The following PPM1L variants were observed in gnomAD, a reference collection of about 807,000 sequenced individuals.
The protein encoded by PPM1L is protein phosphatase 1L.
In PPM1L, 13 loss-of-function variants were observed where a neutral mutation model predicts 31.4. The observed-to-expected ratio is 0.41, with a 90% confidence interval of 0.27 to 0.66. The LOEUF is 0.66. Among genes scored for constraint, PPM1L ranks in the 30% least tolerant of loss-of-function variants. PPM1L has a pLI of 0.29. For synonymous variants in PPM1L, 184 were observed against 175.4 expected (o/e 1.05, Z -0.39); for missense variants, 326 against 453.7 (o/e 0.72, Z 2.56).
intron 1 of PPM1L, among the ~76,000 whole-genome samples, chr3:160,949,573 T>C (rs1031685968): frequency 1.2e-4 from 18 of 152,154 alleles, no homozygotes; most frequent in Non-Finnish European, 5.9e-5. Flanking sequence ...TCTTTCTTTG[T>C]GGTCATGTAG....
At chr3:161,022,719 A>AGT (rs1718270822) in intron 2 of PPM1L, among the ~76,000 whole-genome samples, 1 of 131,740 alleles carries the variant, frequency 7.6e-6, no homozygotes, top group Admixed American at 9.2e-5. Context: ...GCTGGAGTGC[A>AGT]GTGGCACAAT....
intron 1 of PPM1L, among the ~76,000 whole-genome samples, chr3:160,849,393 C>CTCTTTCTTTCTTTCTTTCTTTCTTTCTT (rs540054052): frequency 1.1e-4 from 17 of 151,234 alleles, no homozygotes; most frequent in African/African-American, 3.9e-4. Flanking sequence ...GACCTGCATT[C>CTCTTTCTTTCTTTCTTTCTTTCTTTCTT]TCTTTCTTTC....
At chr3:160,893,481 G>C (rs1375829145) in intron 1 of PPM1L, among the ~76,000 whole-genome samples, 2 of 152,200 alleles carry the variant, frequency 1.3e-5, no homozygotes, top group South Asian at 2.1e-4. Flanking sequence ...TCATTTTCCT[G>C]ATTTCACAAC....
At chr3:160,976,612 T>A (rs925421935) in intron 2 of PPM1L, among the ~76,000 whole-genome samples, 6 of 152,084 alleles carry the variant, frequency 3.9e-5, no homozygotes, top group Non-Finnish European at 7.4e-5. Flanking sequence ...GGAGAGTGTA[T>A]GTGTCAAGGA....
intron 1 of PPM1L, among the ~76,000 whole-genome samples, chr3:160,922,106 C>A (rs13320968): frequency 0.029 from 4,372 of 152,144 alleles, 204 homozygotes; most frequent in African/African-American, 0.1. Context: ...GTCAGGAGAT[C>A]AAGACCATCC....
intron 1 of PPM1L, among the ~76,000 whole-genome samples, chr3:160,828,061 C>T (rs1355196119): frequency 6.6e-6 from 1 of 151,948 alleles, no homozygotes. Context: ...GAGGGATCCA[C>T]CCTCATGACG....
chr3:160,875,215 A>G (rs1351697032), intron 1 of PPM1L, among the ~76,000 whole-genome samples: 5 of 152,238 alleles, frequency 3.3e-5, no homozygotes, highest in Admixed American at 2.0e-4. Flanking sequence ...GATTATTGAT[A>G]TGGAATGTAC....
intron 2 of PPM1L, among the ~76,000 whole-genome samples, chr3:161,039,151 T>G (rs1000343154): frequency 6.6e-6 from 1 of 152,204 alleles, no homozygotes; most frequent in Admixed American, 6.5e-5. Flanking sequence ...TTGGGGCTGC[T>G]CCGTCTATGG....
intron 2 of PPM1L, among the ~76,000 whole-genome samples, chr3:161,048,985 C>G (rs946534358): frequency 2.0e-5 from 3 of 150,388 alleles, no homozygotes; most frequent in Middle Eastern, 3.2e-3. Flanking sequence ...ATGTAAATGA[C>G]GAGTTAATGG....
chr3:161,028,829 G>A (rs1718479302), intron 2 of PPM1L, among the ~76,000 whole-genome samples: 1 of 152,148 alleles, frequency 6.6e-6, no homozygotes, highest in Non-Finnish European at 1.5e-5. Context: ...CAGTGTACGT[G>A]CCCTCTAAAA....
At chr3:160,959,559 G>C (rs919109465) in intron 1 of PPM1L, among the ~76,000 whole-genome samples, 2 of 152,200 alleles carry the variant, frequency 1.3e-5, no homozygotes, top group Admixed American at 1.3e-4. Flanking sequence ...TCTGTGCGTG[G>C]TTGCTCACGC....
At chr3:160,827,043 G>A (rs980774998) in intron 1 of PPM1L, among the ~76,000 whole-genome samples, 4 of 152,184 alleles carry the variant, frequency 2.6e-5, no homozygotes, top group African/African-American at 9.7e-5. Context: ...GCGACAAAAT[G>A]TGGTTCCAAT....
chr3:160,826,498 A>G (rs895602436), intron 1 of PPM1L, among the ~76,000 whole-genome samples: 8 of 152,328 alleles, frequency 5.3e-5, no homozygotes, highest in African/African-American at 1.9e-4. Flanking sequence ...AGATATATTA[A>G]TAGCAACAAA....
chr3:160,764,778 C>T (rs1715063924), intron 1 of PPM1L, among the ~76,000 whole-genome samples: 2 of 152,084 alleles, frequency 1.3e-5, no homozygotes, highest in Admixed American at 1.3e-4. Context: ...TATTTTAATT[C>T]TTTATATTTA....
At chr3:160,966,471 ACTTC>A (rs1048467029) in intron 2 of PPM1L, among the ~76,000 whole-genome samples, 3 of 152,138 alleles carry the variant, frequency 2.0e-5, no homozygotes, top group African/African-American at 7.2e-5. Context: ...TTACATAAGC[ACTTC>A]CTTATTTCAT....
chr3:160,827,060 C>T (rs1235896123), intron 1 of PPM1L, among the ~76,000 whole-genome samples: 1 of 152,118 alleles, frequency 6.6e-6, no homozygotes, highest in Non-Finnish European at 1.5e-5. Flanking sequence ...CAATACTGGC[C>T]TACTTAACAC....
intron 1 of PPM1L, among the ~76,000 whole-genome samples, chr3:160,821,860 A>T (rs1713211553): frequency 6.6e-6 from 1 of 151,948 alleles, no homozygotes; most frequent in Non-Finnish European, 1.5e-5. Flanking sequence ...TTTTAAAAAA[A>T]ATTAGTAATG....
chr3:160,854,537 A>G (rs1337115250), intron 1 of PPM1L, among the ~76,000 whole-genome samples: 1 of 152,086 alleles, frequency 6.6e-6, no homozygotes, highest in African/African-American at 2.4e-5. Context: ...TAGCATTTCT[A>G]TATACCAACA....
At chr3:160,954,942 TCCTTCCTTCCTTCCTTC>T in intron 1 of PPM1L, among the ~76,000 whole-genome samples, 1 of 51,350 alleles carries the variant, frequency 1.9e-5, no homozygotes, top group Non-Finnish European at 4.4e-5. Context: ...CTTCCTTCCT[TCCTTCCTTCCTTCCTTC>T]CTTTCCTTTC....
Sources: allele counts gnomAD v4.1 joint callset (sites outside exome capture counted in the v4.1 genomes callset), GRCh38; gene constraint gnomAD v4.1.1; transcripts MANE v1.5; gene names NCBI Gene and HGNC (gene_info 2026-07-23, HGNC 2026-07-21).